Variants in LCORL observed in about 807,000 individuals in gnomAD.
LCORL encodes ligand-dependent nuclear receptor corepressor-like protein.
In LCORL, 41 loss-of-function variants were observed where a neutral mutation model predicts 141.8. The observed-to-expected ratio is 0.29, with a 90% CI of 0.23 to 0.38. The LOEUF is 0.38. Among genes scored for constraint, LCORL ranks in the 10% least tolerant of loss-of-function variants. The pLI is 1.00. For missense variants in LCORL, 1,759 were observed against 2,035.0 expected, an observed-to-expected ratio of 0.86 and a Z score of 2.61; for synonymous variants, 618 against 694.1, an observed-to-expected ratio of 0.89 and a Z score of 1.72.
rs531094251 is a variant in LCORL, at chr4:18,000,713, A to G, written c.154+20885T>C. Among the ~76,000 whole-genome samples the G allele has an allele frequency of 3.3e-5, 5 of 152,362 alleles. No homozygotes were observed. In the East Asian group the frequency reaches 9.6e-4, roughly 29 times the overall value. On this transcript the variant is annotated intron_variant, in intron 1 of 7. Coordinates refer to ENST00000635767, the Ensembl canonical transcript of LCORL. ...TTCAAAGTTTCCCAAAACAGGAACA[A>G]ATAGTCTACTGTGTTAAAAAGTGAG...
chr4:17,972,974 A>G, intron 1 of LCORL, 89 bp from the exon 2 acceptor site: 1 of 539,340 alleles, frequency 1.9e-6, no homozygotes, highest in Non-Finnish European at 3.0e-6. Flanking sequence ...CAATCAGCAA[A>G]TTAATTTAAC....
intron 7 of LCORL, among the ~76,000 whole-genome samples, chr4:17,854,775 GA>G (rs1401409214): frequency 6.6e-6 from 1 of 152,138 alleles, no homozygotes; most frequent in Non-Finnish European, 1.5e-5. Context: ...AGATTAAGTA[GA>G]AGATTTTATA....
intron 7 of LCORL, 56 bp downstream of exon 7, chr4:17,873,332 T>C (rs763593974): frequency 2.6e-4 from 275 of 1,070,438 alleles, no homozygotes; most frequent in Non-Finnish European, 3.1e-4. Flanking sequence ...CTACCTGTTA[T>C]ACTTTACTCA....
chr4:17,862,734 T>G (rs1202864228), intron 7 of LCORL, among the ~76,000 whole-genome samples: 1 of 152,184 alleles, frequency 6.6e-6, no homozygotes, highest in Non-Finnish European at 1.5e-5. Flanking sequence ...CAAGATGGAT[T>G]AAGGACTTCA....
intron 5 of LCORL, among the ~76,000 whole-genome samples, chr4:17,891,021 T>C (rs1405597863): frequency 6.6e-6 from 1 of 152,144 alleles, no homozygotes; most frequent in Non-Finnish European, 1.5e-5. Context: ...TTCTCCTCTC[T>C]AGGAAATTCT....
chr4:17,852,147 G>A (rs1439178335), intron 7 of LCORL, among the ~76,000 whole-genome samples: 7 of 152,038 alleles, frequency 4.6e-5, no homozygotes, highest in Non-Finnish European at 2.9e-5. Context: ...CTTATGTCAT[G>A]GCTTCTCTGT....
At chr4:17,923,577 C>T (rs1468342254) in intron 4 of LCORL, among the ~76,000 whole-genome samples, 2 of 152,022 alleles carry the variant, frequency 1.3e-5, no homozygotes, top group African/African-American at 2.4e-5. Flanking sequence ...ACCCGGGAGG[C>T]GGAGGTTGCA....
intron 4 of LCORL, among the ~76,000 whole-genome samples, chr4:17,910,766 A>T (rs1293958127): frequency 6.6e-6 from 1 of 152,204 alleles, no homozygotes; most frequent in Admixed American, 6.5e-5. Flanking sequence ...GTCCTGCATA[A>T]CTGTCAATAT....
At chr4:17,845,332 A>G (rs1722809591) in exon 8 of LCORL, 1 of 156,930 alleles carries the variant, frequency 6.4e-6, no homozygotes, top group Non-Finnish European at 1.4e-5. Flanking sequence ...GGTAGTTGGT[A>G]TCCACCTGTT....
chr4:17,980,571 T>C (rs1410814321), intron 1 of LCORL, among the ~76,000 whole-genome samples: 1 of 152,212 alleles, frequency 6.6e-6, no homozygotes, highest in Non-Finnish European at 1.5e-5. Flanking sequence ...ATTTTCTACT[T>C]ATCTCTAAAA....
chr4:17,982,847 T>A (rs1718259809), intron 1 of LCORL, among the ~76,000 whole-genome samples: 1 of 152,226 alleles, frequency 6.6e-6, no homozygotes, highest in Non-Finnish European at 1.5e-5. Flanking sequence ...CCCGTGCCTA[T>A]GTCCTAAATG....
At chr4:17,951,280 T>C (rs1182084627) in intron 4 of LCORL, among the ~76,000 whole-genome samples, 4 of 152,262 alleles carry the variant, frequency 2.6e-5, no homozygotes, top group Admixed American at 2.6e-4. Flanking sequence ...TACATGTTCA[T>C]TGGTGAAGTT....
intron 1 of LCORL, among the ~76,000 whole-genome samples, chr4:18,020,334 G>C (rs1045112481): frequency 3.3e-5 from 5 of 151,914 alleles, no homozygotes; most frequent in Admixed American, 6.6e-5. Flanking sequence ...AGACACTAGG[G>C]TTACTCCCCA....
intron 7 of LCORL, among the ~76,000 whole-genome samples, chr4:17,863,285 C>T (rs916153302): frequency 3.9e-5 from 6 of 151,960 alleles, no homozygotes; most frequent in East Asian, 1.9e-4. Flanking sequence ...CACTGCACTC[C>T]GGCCTGGGCA....
At chr4:17,982,058 G>A (rs1180438610) in intron 1 of LCORL, among the ~76,000 whole-genome samples, 1 of 150,696 alleles carries the variant, frequency 6.6e-6, no homozygotes, top group Non-Finnish European at 1.5e-5. Context: ...CCCTGCAAAG[G>A]ACATGAGCTT....
At chr4:17,963,579 G>GC (rs1238403134) in intron 2 of LCORL, among the ~76,000 whole-genome samples, 3 of 151,804 alleles carry the variant, frequency 2.0e-5, no homozygotes, top group Admixed American at 2.0e-4. Flanking sequence ...AGGCTTTGTT[G>GC]CAAGAATTAA....
At chr4:17,924,292 C>T (rs1163933398) in intron 4 of LCORL, among the ~76,000 whole-genome samples, 2 of 152,192 alleles carry the variant, frequency 1.3e-5, no homozygotes, top group Non-Finnish European at 2.9e-5. Context: ...CAGCCTCTTT[C>T]CTCAGCCACC....
chr4:18,006,662 G>C (rs541694269), intron 1 of LCORL, among the ~76,000 whole-genome samples: 2 of 152,246 alleles, frequency 1.3e-5, no homozygotes, highest in South Asian at 4.1e-4. Flanking sequence ...CTTGTGCAGG[G>C]AAAGTCCCCT....
chr4:17,883,588 G>T, intron 6 of LCORL: 1 of 1,349,074 alleles, frequency 7.4e-7, no homozygotes, highest in Non-Finnish European at 9.5e-7. Context: ...AAAATTTCAT[G>T]TCTCCTGTCA....
Sources: gnomAD v4.1 joint callset for allele counts (sites outside exome capture counted in the v4.1 genomes callset) on GRCh38, gnomAD v4.1.1 for gene constraint, MANE v1.5 for transcripts, NCBI Gene and HGNC (gene_info 2026-07-23, HGNC 2026-07-21) for gene names.